Variants in ACAP1 observed in about 807,000 individuals in gnomAD.
ACAP1 encodes the protein arf-GAP with coiled-coil, ANK repeat and PH domain-containing protein 1.
Under a neutral mutation model 98.8 loss-of-function variants are expected in ACAP1, and 45 were observed. The ratio of observed to expected loss-of-function variants is 0.46; its 90% confidence interval spans 0.36 to 0.58. The LOEUF (loss-of-function observed/expected upper bound fraction) is 0.58, where lower values mean the gene tolerates loss of function less well. ACAP1 is among the 20% of genes least tolerant of loss of function. The pLI is 0.00. For missense variants in ACAP1, 735 were observed against 971.4 expected (o/e 0.76, Z 3.24); for synonymous variants, 362 against 375.3 (o/e 0.96, Z 0.41).
At position 7,346,795 on chromosome 17, in the gene ACAP1, C is replaced by A. The variant is rs181797675; in HGVS notation, c.1008-13C>A. The stretch of plus-strand genomic sequence containing the variant: ...TCAGACCCCTCTGCCATCTCCCTCA[C>A]CCTCCTACCTAGGTCCTGCCTCCTC... On this transcript the variant is annotated splice_polypyrimidine_tract_variant and intron_variant, in intron 12 of 21. Transcript: ENST00000158762. 1 of 1,607,966 alleles carries A rather than the reference C, an allele frequency of 6.2e-7. No homozygotes were observed. The highest frequency in any genetic ancestry group is 8.5e-7 in the Non-Finnish European group (1 of 1,175,950).
chr17:7,336,551 T>C lies in ACAP1; in HGVS notation c.-184T>C. The C allele has an allele frequency of 1.6e-6, 1 of 614,056 alleles. No individual in the cohort carries two copies. Among genetic ancestry groups the C allele is most frequent in the South Asian group, 1.8e-5 (1 of 54,922 alleles). The allele number at this position is 614,056 out of a possible 1,614,324, so 38.0% of individuals were successfully genotyped here. ...CCCAGCACTGCCTGGAAGTGTGGGG[T>C]GAGAGCTCCTCCTAGGACACCCCTT... On this transcript the variant is annotated 5_prime_UTR_variant, in exon 1 of 22. Transcript: ENST00000158762.
chr17:7,338,566 AAAT>A (rs1479379346), intron 2 of ACAP1, among the ~76,000 whole-genome samples: 5 of 152,012 alleles, frequency 3.3e-5, no homozygotes, highest in Admixed American at 6.6e-5. Context: ...CCCGGCCTAC[AAAT>A]AATAATTTTA....
At position 7,343,885 on chromosome 17, in the gene ACAP1, G is replaced by A. The variant is rs139824918; in HGVS notation, c.598G>A (p.Ala200Thr). ...GGTGCTGCGTTTGGTGGAGGCCCAG[G>A]CTACCCATTTCCAGCAGGGCCATGA... The part of the protein sequence containing the change: ...EFVLRLVEAQ[A>T]THFQQGHEEL... Residue 200 changes from alanine (A) to threonine (T), a missense_variant, in exon 8 of 22, where the codon GCT (alanine) becomes ACT (threonine). Ala to Thr is a moderately conservative substitution (Grantham distance 58). Coordinates refer to ENST00000158762, the MANE Select transcript of ACAP1 (RefSeq NM_014716.4). The surrounding 1 kb of genome is among the most constrained non-coding windows in gnomAD (Gnocchi z 4.9). 2 of 1,613,334 alleles carry A rather than the reference G, an allele frequency of 1.2e-6. No individual in the cohort carries two copies. Among genetic ancestry groups the A allele is most frequent in the Middle Eastern group, 1.7e-4 (1 of 6,036 alleles).
At position 7,344,568 on chromosome 17, in the gene ACAP1, C is replaced by T; in HGVS notation, c.774C>T (p.Ser258=). Residue 258 remains serine, a synonymous_variant, in exon 10 of 22, where the codon AGC becomes AGT. Coordinates refer to ENST00000158762, the MANE Select transcript of ACAP1 (RefSeq NM_014716.4). This position sits in a 1 kb window ranked among gnomAD's most constrained non-coding sequence, Gnocchi z 4.9. Reference sequence around the variant, plus strand: ...TGGGTGGGGAGGAGCCAGAACCAAGCTTAAGAGAGGGGCCTGGTGGCCTGG... The same window carrying T: ...TGGGTGGGGAGGAGCCAGAACCAAGTTTAAGAGAGGGGCCTGGTGGCCTGG... ...KELGGEEPEP[S]LREGPGGLVM... is the part of the protein sequence containing the mutation. The T allele has an allele frequency of 6.4e-7, 1 of 1,551,280 alleles. No individual in the cohort carries two copies. The highest frequency in any genetic ancestry group is 8.7e-7 in the Non-Finnish European group (1 of 1,146,926).
At position 7,347,106 on chromosome 17, in the gene ACAP1, G is replaced by A. The variant is rs1474050169; in HGVS notation, c.1207G>A (p.Gly403Arg). Residue 403 changes from glycine to arginine, a missense_variant, in exon 14 of 22, where the codon GGA becomes AGA. Gly to Arg is a moderately radical substitution (Grantham distance 125). Transcript: ENST00000158762. ...AATGGCCAGGGGAAGGGAGCCTGGG[G>A]GAGTCGGGCACGTGGTGGCCCAGGT... ...GGMARGREPGGVGHVVAQVQS... is the reference protein window; with the variant it reads ...GGMARGREPGRVGHVVAQVQS... 1.2e-6 allele frequency: 2 copies of A among 1,613,618 alleles called. No individual in the cohort carries two copies. The highest frequency in any genetic ancestry group is 1.1e-5 in the South Asian group (1 of 91,048).
At chr17:7,337,240 C>T in intron 1 of ACAP1, 72 bp from the exon 2 acceptor site, 1 of 1,461,646 alleles carries the variant, frequency 6.8e-7, no homozygotes, top group Non-Finnish European at 9.6e-7. Context: ...CGCCCTGCGA[C>T]TCCATCCCGC....
Position 7,346,237 on chromosome 17 carries a change from C to A in ACAP1, c.855-7C>A. On this transcript the variant is annotated splice_region_variant and splice_polypyrimidine_tract_variant and intron_variant, in intron 10 of 21. Coordinates refer to ENST00000158762, the MANE Select transcript of ACAP1 (RefSeq NM_014716.4). ...CCTATGTCTGTAATGATTTCCTTCT[C>A]TTACAGACGCTGGTTCACCATTCAG... The A allele has an allele frequency of 6.2e-7, 1 of 1,613,868 alleles. No homozygotes were observed. The highest frequency in any genetic ancestry group is 1.1e-5 in the South Asian group (1 of 91,026).
intron 2 of ACAP1, among the ~76,000 whole-genome samples, chr17:7,338,552 C>G (rs992600587): frequency 1.3e-5 from 2 of 151,946 alleles, no homozygotes; most frequent in Non-Finnish European, 2.9e-5. Flanking sequence ...CTTAAGCCAC[C>G]GCACCCGGCC....
In ACAP1 at chr17:7,344,052, C is replaced by G; in HGVS notation, c.673C>G (p.His225Asp). 1 of 1,591,510 alleles carries G rather than the reference C, an allele frequency of 6.3e-7. No individual in the cohort carries two copies. The highest frequency in any genetic ancestry group is 1.1e-5 in the South Asian group (1 of 88,118). The change falls in exon 9 of 22, where the codon CAC becomes GAC. Residue 225 changes from histidine to aspartate, a missense_variant. Around this residue, in one of 5 missense-constraint regions of ACAP1, gnomAD observed 430 missense variants for 531.8 expected, o/e 0.81. Transcript: ENST00000158762. This position sits in a 1 kb window ranked among gnomAD's most constrained non-coding sequence, Gnocchi z 4.9. ...QYRKELGAQL[H>D]QLVLNSAREK... is the part of the protein sequence containing the mutation. Reference sequence around the variant, plus strand: ...GAGATGCCCTTCCTGTGCCCAGTTGCACCAGCTGGTCTTGAATTCAGCACG... The same window carrying G: ...GAGATGCCCTTCCTGTGCCCAGTTGGACCAGCTGGTCTTGAATTCAGCACG...
rs369346476 is a variant in ACAP1, at chr17:7,346,973, A to G, written c.1131+42A>G. 26 of 1,590,472 alleles carry G rather than the reference A, an allele frequency of 1.6e-5. No individual in the cohort carries two copies. In the Admixed American group the frequency reaches 1.7e-4, roughly 10 times the overall value. ...GTGCGGAGCCAGGCTGCCTGTGGAG[A>G]TGGGGCACCCTTTACCCTAGGCCCC... is the stretch of plus-strand genomic sequence containing the variant. On this transcript the variant is annotated intron_variant, in intron 13 of 21. Transcript: ENST00000158762.
Position 7,348,330 on chromosome 17 carries a change from C to A in ACAP1, c.1533C>A (p.His511Gln). ...CSRQEKEAWIHAKYVEKKFLT... is the reference protein window; with the variant it reads ...CSRQEKEAWIQAKYVEKKFLT... ...GGCAGGAGAAGGAGGCCTGGATTCA[C>A]GCTAAATACGTGGAGAAGAAGTTCC... Residue 511 changes from histidine (H) to glutamine (Q), a missense_variant, in exon 17 of 22, where the codon CAC becomes CAA. Around this residue, in one of 5 missense-constraint regions of ACAP1, gnomAD observed 81 missense variants for 132.0 expected, o/e 0.61. Transcript: ENST00000158762. The A allele has an allele frequency of 6.3e-7, 1 of 1,575,896 alleles. No homozygotes were observed. Among genetic ancestry groups the A allele is most frequent in the Non-Finnish European group, 8.6e-7 (1 of 1,159,726 alleles).
Position 7,351,469 on chromosome 17 carries a change from T to G in ACAP1, c.*74T>G. The G allele has an allele frequency of 4.3e-6, 5 of 1,156,242 alleles. No homozygotes were observed. Among genetic ancestry groups the G allele is most frequent in the Non-Finnish European group, 6.2e-6 (5 of 801,684 alleles). 71.6% of individuals were successfully genotyped at this position (1,156,242 alleles called of 1,614,324 possible). A position where few individuals can be genotyped will look rare whatever the true frequency, so the allele number is the denominator to read the frequency against. On this transcript the variant is annotated 3_prime_UTR_variant, in exon 22 of 22. Transcript: ENST00000158762. ...CCTCTGCCATTAAAGCCTCCGTGCTTCGCTCTTCCCTTCTGGTTCACTTCT... is the reference window on the plus strand; with the variant it reads ...CCTCTGCCATTAAAGCCTCCGTGCTGCGCTCTTCCCTTCTGGTTCACTTCT...
At position 7,348,403 on chromosome 17, in the gene ACAP1, C is replaced by A; in HGVS notation, c.1606C>A (p.Pro536Thr). Residue 536 changes from proline to threonine, a missense_variant, in exon 17 of 22, where the codon CCA becomes ACA. This residue lies in a region of ACAP1 where 80 missense variants were observed against 64.4 expected (regional missense o/e 1.24). Coordinates refer to ENST00000158762, the MANE Select transcript of ACAP1 (RefSeq NM_014716.4). ...AGGGCGAAGAGGTGGCCGGGGGCGC[C>A]CAAGGGGGCAGCCTCCTGTGCCCCC... ...IRGRRGGRGR[P>T]RGQPPVPPKP... The A allele has an allele frequency of 6.5e-7, 1 of 1,546,718 alleles. No homozygotes were observed.
At chr17:7,342,377 T>G in intron 4 of ACAP1, 39 bp from the exon 5 acceptor site, 1 of 1,613,428 alleles carries the variant, frequency 6.2e-7, no homozygotes, top group Non-Finnish European at 8.5e-7. Context: ...AGGTCACCTG[T>G]GGTCCTGACC....
chr17:7,346,884 G>A lies in ACAP1; in HGVS notation c.1084G>A (p.Ala362Thr), dbSNP rs764702285. Residue 362 changes from alanine to threonine, a missense_variant, in exon 13 of 22, where the codon GCC (alanine) becomes ACC (threonine). Transcript: ENST00000158762. ...TGCTGTGCAGAGCAGCATTGCTTCTGCCTTCAGTCAGGCTCGCCTTGATGA... is the reference window on the plus strand; with the variant it reads ...TGCTGTGCAGAGCAGCATTGCTTCTACCTTCAGTCAGGCTCGCCTTGATGA... The part of the protein sequence containing the change: ...VSAVQSSIAS[A>T]FSQARLDDSP... 42 of 1,613,164 alleles carry A rather than the reference G, an allele frequency of 2.6e-5. No homozygotes were observed. Among genetic ancestry groups the A allele is most frequent in the Non-Finnish European group, 3.6e-5 (42 of 1,179,348 alleles).
In ACAP1 at chr17:7,350,010, G is replaced by A; in HGVS notation, c.1917G>A (p.Ala639=). 1 of 1,613,658 alleles carries A rather than the reference G, an allele frequency of 6.2e-7. No homozygotes were observed. The highest frequency in any genetic ancestry group is 8.5e-7 in the Non-Finnish European group (1 of 1,179,616). ...CGAACGTGAACCAAGCGGACAGTGC[G>A]GGCCGGGGCCCGCTGCACCACGCAA... is the stretch of plus-strand genomic sequence containing the variant. ...NGANVNQADS[A]GRGPLHHATI... The change falls in exon 19 of 22, where the codon GCG becomes GCA. Residue 639 remains alanine (A), a synonymous_variant. Transcript: ENST00000158762. The surrounding 1 kb of genome is among the most constrained non-coding windows in gnomAD (Gnocchi z 4.6).
In ACAP1 at chr17:7,349,946, A is replaced by C. The variant is rs1209856500; in HGVS notation, c.1853A>C (p.Asn618Thr). Residue 618 changes from asparagine (N) to threonine (T), a missense_variant and splice_region_variant, in exon 19 of 22, where the codon AAT becomes ACT. Asn to Thr is a moderately conservative substitution (Grantham distance 65, BLOSUM62 0). This residue lies in a region of ACAP1 where 142 missense variants were observed against 224.1 expected (regional missense o/e 0.63). Coordinates refer to ENST00000158762, the MANE Select transcript of ACAP1 (RefSeq NM_014716.4). ...ATPLIQATAA[N>T]SLLACEFLLQ... The stretch of plus-strand genomic sequence containing the variant: ...CCCCTTCTCGACTTCTCCATGCAGA[A>C]TTCTCTTCTGGCCTGTGAGTTTCTC... The C allele has an allele frequency of 6.2e-7, 1 of 1,603,652 alleles. No homozygotes were observed. Among genetic ancestry groups the C allele is most frequent in the South Asian group, 1.1e-5 (1 of 90,574 alleles).
chr17:7,339,503 AG>A (rs879494154), intron 2 of ACAP1, among the ~76,000 whole-genome samples: 10 of 152,006 alleles, frequency 6.6e-5, no homozygotes, highest in African/African-American at 2.2e-4. Flanking sequence ...CCAGCTACTC[AG>A]GAGGCTGAGG....
chr17:7,346,743 C>T (rs958998584), intron 12 of ACAP1, 65 bp from the exon 13 acceptor site: 1 of 1,545,500 alleles, frequency 6.5e-7, no homozygotes, highest in Admixed American at 1.9e-5. Flanking sequence ...GTCAGTCTGC[C>T]CATGCTGCCA....
Sources: gnomAD v4.1 joint callset for allele counts (sites outside exome capture counted in the v4.1 genomes callset) on GRCh38, gnomAD v4.1.1 for gene constraint, gnomAD v4.1.1 regional missense constraint, Gnocchi (gnomAD v3.1) non-coding constraint, MANE v1.5 for transcripts, NCBI Gene and HGNC (gene_info 2026-07-23, HGNC 2026-07-21) for gene names.